Variants in KAT2B observed in about 807,000 individuals in gnomAD.
The protein encoded by KAT2B is histone acetyltransferase KAT2B.
KAT2B carries 36 observed loss-of-function variants against 105.9 expected under a neutral mutation model. That is an observed-to-expected ratio of 0.34 (90% CI 0.26 to 0.45). KAT2B has a LOEUF of 0.45. KAT2B is among the 20% of genes least tolerant of loss of function. The pLI, the probability that KAT2B is intolerant of heterozygous loss-of-function variation, is 1.00. For missense variants in KAT2B, 820 were observed against 1,021.6 expected, an observed-to-expected ratio of 0.80 and a Z score of 2.69; for synonymous variants, 397 against 377.9, an observed-to-expected ratio of 1.05 and a Z score of -0.59.
intron 2 of KAT2B, among the ~76,000 whole-genome samples, chr3:20,086,894 G>A (rs1698628260): frequency 1.4e-5 from 2 of 142,430 alleles, no homozygotes; most frequent in Admixed American, 1.4e-4. Context: ...TCATTCTCCT[G>A]CCTCAGCCTC....
rs1699898689 is a variant in KAT2B at position 20,153,259 on chromosome 3, A to G, written c.*734A>G. 6.6e-6 allele frequency: 1 copy of G among 152,270 alleles called. No homozygotes were observed. The highest frequency in any genetic ancestry group is 1.5e-5 in the Non-Finnish European group (1 of 68,000). The allele number at this position is 152,270 out of a possible 1,614,324, so 9.4% of individuals were successfully genotyped here. A position where few individuals can be genotyped will look rare whatever the true frequency, so the allele number is the denominator to read the frequency against. On this transcript the variant is annotated 3_prime_UTR_variant, in exon 18 of 18. Coordinates refer to ENST00000263754, the MANE Select transcript of KAT2B (RefSeq NM_003884.5). ...TTTCTCTACACAAATGTGTAATATC[A>G]TATTTGACTTTGCTTATGCAGGCCA...
chr3:20,089,398 ACT>A (rs1491537174), intron 2 of KAT2B, among the ~76,000 whole-genome samples: 1 of 126,648 alleles, frequency 7.9e-6, no homozygotes, highest in Non-Finnish European at 1.6e-5. Flanking sequence ...TGTCTTCTTC[ACT>A]TTTTTTTTTT....
intron 2 of KAT2B, among the ~76,000 whole-genome samples, chr3:20,086,531 G>C (rs938140840): frequency 6.6e-6 from 1 of 152,120 alleles, no homozygotes; most frequent in African/African-American, 2.4e-5. Context: ...AGCTCAGGAG[G>C]TCAAGGCTGC....
chr3:20,135,113 G>A (rs1472679053), intron 11 of KAT2B, among the ~76,000 whole-genome samples: 2 of 152,114 alleles, frequency 1.3e-5, no homozygotes, highest in African/African-American at 4.8e-5. Flanking sequence ...GTCTCCTCAA[G>A]GAGAGAAATA....
chr3:20,112,369 T>G (rs1428119180), intron 6 of KAT2B, among the ~76,000 whole-genome samples: 2 of 152,220 alleles, frequency 1.3e-5, no homozygotes, highest in African/African-American at 4.8e-5. Context: ...TGCTCCTTGC[T>G]TCTTGCACCT....
intron 8 of KAT2B, among the ~76,000 whole-genome samples, chr3:20,122,198 T>C (rs1272325170): frequency 6.6e-6 from 1 of 152,174 alleles, no homozygotes; most frequent in Non-Finnish European, 1.5e-5. Context: ...AATGGAGTTA[T>C]AGAGATCAAA....
At chr3:20,112,929 A>G (rs1699147019) in intron 6 of KAT2B, among the ~76,000 whole-genome samples, 1 of 152,244 alleles carries the variant, frequency 6.6e-6, no homozygotes, top group African/African-American at 2.4e-5. Context: ...AATTGACTGA[A>G]GATTCCTTGG....
intron 2 of KAT2B, among the ~76,000 whole-genome samples, chr3:20,086,856 A>G (rs1698627409): frequency 1.3e-5 from 1 of 76,170 alleles, no homozygotes; most frequent in Admixed American, 1.3e-4. Flanking sequence ...ATCTCAGCTC[A>G]CCACAACCTC....
intron 8 of KAT2B, among the ~76,000 whole-genome samples, chr3:20,120,824 A>G (rs976564009): frequency 6.6e-6 from 1 of 152,122 alleles, no homozygotes; most frequent in Non-Finnish European, 1.5e-5. Flanking sequence ...TTTTTAAATA[A>G]AAGAAGTACC....
chr3:20,106,001 C>T (rs549157705), intron 5 of KAT2B, among the ~76,000 whole-genome samples: 2 of 152,204 alleles, frequency 1.3e-5, no homozygotes, highest in East Asian at 3.9e-4. Context: ...CACTAGGAAA[C>T]AGGAGATCTG....
intron 5 of KAT2B, among the ~76,000 whole-genome samples, chr3:20,106,589 A>T (rs572348495): frequency 1.4e-4 from 21 of 152,308 alleles, no homozygotes; most frequent in African/African-American, 4.6e-4. Flanking sequence ...GTATAAATTG[A>T]GGTCTATAAA....
At chr3:20,079,632 T>G (rs1304347868) in intron 2 of KAT2B, among the ~76,000 whole-genome samples, 2 of 152,210 alleles carry the variant, frequency 1.3e-5, no homozygotes, top group Non-Finnish European at 2.9e-5. Flanking sequence ...TTTAAATCAT[T>G]TAGGCAGATC....
At chr3:20,059,291 G>C (rs535246698) in intron 1 of KAT2B, among the ~76,000 whole-genome samples, 10 of 150,630 alleles carry the variant, frequency 6.6e-5, no homozygotes, top group Admixed American at 2.7e-4. Context: ...CATGCGTCTA[G>C]TAGTCCCAGC....
chr3:20,099,773 G>GAC (rs1698876463), intron 3 of KAT2B, 89 bp from the exon 4 acceptor site: 2 of 670,132 alleles, frequency 3.0e-6, no homozygotes, highest in Non-Finnish European at 5.4e-6. Flanking sequence ...GAGAGAGAGA[G>GAC]AGACAGACAG....
Position 20,104,194 on chromosome 3 carries a change from G to A in KAT2B, c.851+2726G>A, listed in dbSNP as rs201299792. On this transcript the variant is annotated intron_variant, in intron 5 of 17. Coordinates refer to ENST00000263754, the MANE Select transcript of KAT2B (RefSeq NM_003884.5). ...TATAGCCCAGCCTCCTGAGCCAACA[G>A]CTGAAGGCAAAAAGTGGAGTCAGAC... Among the ~76,000 whole-genome samples the A allele has an allele frequency of 6.6e-5, 10 of 152,324 alleles. No individual in the cohort carries two copies. The East Asian group carries it at 1.9e-3, about 29-fold the overall frequency.
At position 20,152,369 on chromosome 3, in the gene KAT2B, C is replaced by T. The variant is rs577025723; in HGVS notation, c.2343C>T (p.Tyr781=). The change falls in exon 18 of 18, where the codon TAC becomes TAT. Residue 781 remains tyrosine, a synonymous_variant. Transcript: ENST00000263754. ...TGAGTGAACGCCTCAAGAATAGGTA[C>T]TACGTGTCTAAGAAATTATTCATGG... The part of the protein sequence containing the change: ...KTMSERLKNR[Y]YVSKKLFMAD... The T allele has an allele frequency of 1.2e-6, 2 of 1,613,276 alleles. No homozygotes were observed. The highest frequency in any genetic ancestry group is 2.2e-5 in the East Asian group (1 of 44,830).
intron 7 of KAT2B, 95 bp from the exon 8 acceptor site, chr3:20,119,503 G>T: frequency 7.8e-7 from 1 of 1,280,804 alleles, no homozygotes; most frequent in South Asian, 1.3e-5. Context: ...TTGTGGCATT[G>T]GGCAGGAGTG....
intron 1 of KAT2B, among the ~76,000 whole-genome samples, chr3:20,062,014 T>A (rs1342554013): frequency 0.16 from 14,660 of 93,156 alleles, 2,412 homozygotes; most frequent in Non-Finnish European, 0.24. Context: ...TAATATATAT[T>A]ATATATAAAA....
intron 1 of KAT2B, among the ~76,000 whole-genome samples, chr3:20,055,603 A>G (rs2125168615): frequency 6.6e-6 from 1 of 151,776 alleles, no homozygotes; most frequent in South Asian, 2.1e-4. Flanking sequence ...GAGGCCTGTC[A>G]GGAGACCTGT....
Sources: gnomAD v4.1 joint callset for allele counts (sites outside exome capture counted in the v4.1 genomes callset) on GRCh38, gnomAD v4.1.1 for gene constraint, MANE v1.5 for transcripts, NCBI Gene and HGNC (gene_info 2026-07-23, HGNC 2026-07-21) for gene names.